DENND2A: variants seen among roughly 807,000 people sequenced by gnomAD.
DENND2A encodes DENN domain-containing protein 2A.
Under a neutral mutation model 105.3 loss-of-function variants are expected in DENND2A, and 53 were observed. The observed-to-expected ratio is 0.50, with a 90% confidence interval of 0.40 to 0.63. The LOEUF is 0.63. Among genes scored for constraint, DENND2A ranks in the 30% least tolerant of loss-of-function variants. DENND2A has a pLI of 0.00. For synonymous variants in DENND2A, 522 were observed against 508.4 expected (o/e 1.03, Z -0.36); for missense variants, 1,138 against 1,279.6 (o/e 0.89, Z 1.69).
chr7:140,547,923 T>A (rs1217157288), intron 12 of DENND2A, among the ~76,000 whole-genome samples: 2 of 152,100 alleles, frequency 1.3e-5, no homozygotes, highest in Admixed American at 1.3e-4. Context: ...ATGTCCAGAA[T>A]AGAAAAATCC....
Position 140,559,984 on chromosome 7 carries a change from C to G in DENND2A, c.1780-167G>C, listed in dbSNP as rs764636820. On this transcript the variant is annotated intron_variant, in intron 9 of 19. Coordinates refer to ENST00000496613, the MANE Select transcript of DENND2A (RefSeq NM_015689.5). The surrounding 1 kb of genome is among the most constrained non-coding windows in gnomAD (Gnocchi z 4.1). ...CTCAGTCGGCTGGGGCATTTTCCCC[C>G]CAGTGCACTTCCAACTATAGACCTC... is the stretch of plus-strand genomic sequence containing the variant. Among the ~76,000 whole-genome samples the G allele has an allele frequency of 6.6e-6, 1 of 152,056 alleles. No homozygotes were observed. The highest frequency in any genetic ancestry group is 2.4e-5 in the African/African-American group (1 of 41,382).
chr7:140,519,754 T>C (rs1795785749), intron 18 of DENND2A, 36 bp from the exon 19 acceptor site: 1 of 1,592,232 alleles, frequency 6.3e-7, no homozygotes, highest in African/African-American at 1.3e-5. Flanking sequence ...TTTGAGTTCT[T>C]GGTCTTTGCA....
In DENND2A at chr7:140,579,520, G is replaced by A. The variant is rs544983645; in HGVS notation, c.1246-5512C>T. Among the ~76,000 whole-genome samples, 8 of 151,674 alleles carry A rather than the reference G, an allele frequency of 5.3e-5. No homozygotes were observed. In the South Asian group the frequency reaches 1.7e-3, roughly 32 times the overall value. On this transcript the variant is annotated intron_variant, in intron 5 of 19. Coordinates refer to ENST00000496613, the MANE Select transcript of DENND2A (RefSeq NM_015689.5). ...CAATTCTCCTGCCTCAGCCTCCCAA[G>A]TAGCTGGGATTACAGGCGCACACCA...
chr7:140,601,386 G>A lies in DENND2A; in HGVS notation c.995+17C>T. 1 of 1,555,594 alleles carries A rather than the reference G, an allele frequency of 6.4e-7. No individual in the cohort carries two copies. Among genetic ancestry groups the A allele is most frequent in the Non-Finnish European group, 8.7e-7 (1 of 1,150,424 alleles). On this transcript the variant is annotated intron_variant, in intron 3 of 19. Transcript: ENST00000496613. ...GAGTCAGGTGGCGACACTCTGCCTG[G>A]CCACACCGGCACCTACCTGTGGTCT...
rs199910811 is a variant in DENND2A at position 140,562,458 on chromosome 7, G to A, written c.1780-2641C>T. On this transcript the variant is annotated intron_variant, in intron 9 of 19. Transcript: ENST00000496613. ...GGGCGGATCACGAGGTCTGGAGATCGAGACCATCCTGGCTAACATGGTGAA... is the reference window on the plus strand; with the variant it reads ...GGGCGGATCACGAGGTCTGGAGATCAAGACCATCCTGGCTAACATGGTGAA... Among the ~76,000 whole-genome samples, 19 of 152,076 alleles carry A rather than the reference G, an allele frequency of 1.2e-4. No homozygotes were observed. In the East Asian group the frequency reaches 3.7e-3, roughly 30 times the overall value.
intron 1 of DENND2A, among the ~76,000 whole-genome samples, chr7:140,613,050 G>A (rs1052919971): frequency 6.6e-6 from 1 of 151,288 alleles, no homozygotes; most frequent in African/African-American, 2.4e-5. Flanking sequence ...GGAGGCGGAG[G>A]TTGCAGTGAG....
chr7:140,522,184 AGAACAGTAACTG>A (rs1281073418), intron 17 of DENND2A, 84 bp from the exon 18 acceptor site: 4 of 1,541,548 alleles, frequency 2.6e-6, no homozygotes, highest in Non-Finnish European at 3.5e-6. Context: ...TGGTAATCAA[AGAACAGTAACTG>A]CTAGTTCCCT....
At chr7:140,584,137 G>A (rs1018523794) in intron 5 of DENND2A, among the ~76,000 whole-genome samples, 4 of 149,994 alleles carry the variant, frequency 2.7e-5, no homozygotes, top group African/African-American at 1.0e-4. Context: ...AGCTACTTGG[G>A]AGGCTAAGGC....
intron 14 of DENND2A, among the ~76,000 whole-genome samples, chr7:140,542,565 C>CTTTTTTT (rs771623397): frequency 1.8e-5 from 2 of 111,980 alleles, no homozygotes; most frequent in Non-Finnish European, 3.6e-5. Context: ...TTTTCTCTCT[C>CTTTTTTT]TTTTTTTTTT....
intron 12 of DENND2A, among the ~76,000 whole-genome samples, 193 bp from the exon 13 acceptor site, chr7:140,547,132 A>G (rs1796941113): frequency 1.3e-5 from 2 of 152,116 alleles, no homozygotes; most frequent in Non-Finnish European, 2.9e-5. Flanking sequence ...GTGTGTCCAC[A>G]CCCTTTGCCA....
At chr7:140,631,528 G>T (rs1800732077) in intron 1 of DENND2A, among the ~76,000 whole-genome samples, 1 of 152,110 alleles carries the variant, frequency 6.6e-6, no homozygotes, top group Non-Finnish European at 1.5e-5. Flanking sequence ...TGATTGTTTT[G>T]AGAGGGATTA....
chr7:140,548,156 G>A (rs539192775), intron 12 of DENND2A, among the ~76,000 whole-genome samples: 159 of 152,092 alleles, frequency 1.0e-3, no homozygotes, highest in African/African-American at 3.7e-3. Context: ...CAACTTCTGG[G>A]CTCAAGTGTC....
chr7:140,573,332 C>T (rs892696514), intron 6 of DENND2A, among the ~76,000 whole-genome samples: 4 of 152,154 alleles, frequency 2.6e-5, no homozygotes, highest in Non-Finnish European at 5.9e-5. Context: ...TAACCAACAA[C>T]GGATGCATAT....
intron 4 of DENND2A, among the ~76,000 whole-genome samples, chr7:140,587,401 C>T (rs145638790): frequency 0.012 from 1,884 of 152,254 alleles, 57 homozygotes; most frequent in Admixed American, 0.064. Context: ...CGCTATGCCA[C>T]GCTGCCACAC....
chr7:140,567,339 A>AGAGAGG, intron 8 of DENND2A, 66 bp from the exon 9 acceptor site: 1 of 1,393,018 alleles, frequency 7.2e-7, no homozygotes, highest in South Asian at 1.4e-5. Flanking sequence ...AGAGAGAGAG[A>AGAGAGG]GAGAGACAGA....
At chr7:140,570,943 TC>T (rs1380623220) in intron 6 of DENND2A, among the ~76,000 whole-genome samples, 1 of 152,166 alleles carries the variant, frequency 6.6e-6, no homozygotes, top group Non-Finnish European at 1.5e-5. Context: ...CTTTGCTGGG[TC>T]CCCCAGGGCT....
intron 1 of DENND2A, among the ~76,000 whole-genome samples, chr7:140,608,227 G>C (rs1799762477): frequency 6.6e-6 from 1 of 152,186 alleles, no homozygotes; most frequent in African/African-American, 2.4e-5. Flanking sequence ...CATATACTGA[G>C]AAGCAAGTGC....
At chr7:140,566,311 T>C (rs2159796) in intron 9 of DENND2A, among the ~76,000 whole-genome samples, 68,858 of 152,000 alleles carry the variant, frequency 0.45, 16,221 homozygotes, top group African/African-American at 0.57. Flanking sequence ...GGATTACAGG[T>C]GTGAGTCACC....
At chr7:140,597,123 A>T (rs1056035277) in intron 3 of DENND2A, among the ~76,000 whole-genome samples, 1 of 152,230 alleles carries the variant, frequency 6.6e-6, no homozygotes, top group African/African-American at 2.4e-5. Flanking sequence ...AGAGGAGAAA[A>T]GAAAAAAGAA....
Sources: gnomAD v4.1 joint callset for allele counts (sites outside exome capture counted in the v4.1 genomes callset) on GRCh38, gnomAD v4.1.1 for gene constraint, Gnocchi (gnomAD v3.1) non-coding constraint, MANE v1.5 for transcripts, NCBI Gene and HGNC (gene_info 2026-07-23, HGNC 2026-07-21) for gene names.